The following RPGRIP1L variants were observed in gnomAD, a reference collection of about 807,000 sequenced individuals.
RPGRIP1L encodes the protein protein fantom.
In RPGRIP1L, 131 loss-of-function variants were observed where a neutral mutation model predicts 160.4. That is an observed-to-expected ratio of 0.82 (90% CI 0.71 to 0.94). The LOEUF is 0.94. Ranked by LOEUF, RPGRIP1L falls within the 40% of genes least tolerant of loss-of-function variation. The probability of loss-of-function intolerance (pLI) is 0.00; values close to 1 mark genes in which losing one functional copy is unlikely to be tolerated. For missense variants in RPGRIP1L, 1,522 were observed against 1,535.8 expected (o/e 0.99, Z 0.15); for synonymous variants, 510 against 515.8 (o/e 0.99, Z 0.15).
chr16:53,630,886 A>T (rs1965475292), intron 22 of RPGRIP1L, among the ~76,000 whole-genome samples: 1 of 152,018 alleles, frequency 6.6e-6, no homozygotes, highest in African/African-American at 2.4e-5. Flanking sequence ...GTGCCCGCCA[A>T]CACGCCCGGC....
At chr16:53,695,398 G>A (rs1278252279) in intron 3 of RPGRIP1L, 1 of 702,928 alleles carries the variant, frequency 1.4e-6, no homozygotes, top group Non-Finnish European at 2.6e-6. Flanking sequence ...CCTTAGGATG[G>A]ATTCTAAGCA....
At chr16:53,692,988 T>C (rs1252902319) in intron 3 of RPGRIP1L, among the ~76,000 whole-genome samples, 1 of 152,268 alleles carries the variant, frequency 6.6e-6, no homozygotes, top group Non-Finnish European at 1.5e-5. Context: ...TTTAATGCTA[T>C]CTTTAAATTT....
At chr16:53,673,364 T>C (rs557105590) in intron 7 of RPGRIP1L, among the ~76,000 whole-genome samples, 1 of 152,280 alleles carries the variant, frequency 6.6e-6, no homozygotes, top group East Asian at 1.9e-4. Context: ...GGACATGCTG[T>C]CTAAAAATGC....
At chr16:53,611,631 G>T (rs1040273351) in intron 24 of RPGRIP1L, among the ~76,000 whole-genome samples, 3 of 152,240 alleles carry the variant, frequency 2.0e-5, no homozygotes, top group Non-Finnish European at 4.4e-5. Flanking sequence ...AAAGGCACAT[G>T]CTGGCATCGA....
intron 22 of RPGRIP1L, among the ~76,000 whole-genome samples, chr16:53,626,165 A>G (rs888802993): frequency 6.6e-6 from 1 of 151,496 alleles, no homozygotes; most frequent in Non-Finnish European, 1.5e-5. Context: ...AAAAAAAAAA[A>G]AAAGAAAATG....
rs200384702 is a variant in RPGRIP1L at position 53,696,111 on chromosome 16, A to C, written c.230+40T>G. On this transcript the variant is annotated intron_variant, in intron 3 of 26. Transcript: ENST00000647211. Reference sequence around the variant, plus strand: ...TAAAATACCATACCCTCCAAATTTTACTGAGTCAAGAAAAAAAGCTAAAAG... The same window carrying C: ...TAAAATACCATACCCTCCAAATTTTCCTGAGTCAAGAAAAAAAGCTAAAAG... 45 of 1,601,700 alleles carry C rather than the reference A, an allele frequency of 2.8e-5. No individual in the cohort carries two copies. In the African/African-American group the frequency reaches 5.4e-4, roughly 19 times the overall value.
At chr16:53,683,400 C>T (rs569323311) in intron 6 of RPGRIP1L, among the ~76,000 whole-genome samples, 1 of 152,090 alleles carries the variant, frequency 6.6e-6, no homozygotes, top group South Asian at 2.1e-4. Flanking sequence ...GACATCTTCA[C>T]AGAAGTTTGA....
chr16:53,669,253 G>T (rs188367463), intron 9 of RPGRIP1L, among the ~76,000 whole-genome samples: 103 of 152,178 alleles, frequency 6.8e-4, no homozygotes, highest in Non-Finnish European at 1.3e-3. Flanking sequence ...TTATATTAGA[G>T]AATTCTGTAG....
At chr16:53,659,763 C>G (rs920259097) in intron 10 of RPGRIP1L, 4 of 151,952 alleles carry the variant, frequency 2.6e-5, no homozygotes, top group African/African-American at 9.7e-5. Flanking sequence ...GCTTGTAGTC[C>G]CATCTACTTG....
chr16:53,686,962 CAG>C (rs1970062514), intron 5 of RPGRIP1L, among the ~76,000 whole-genome samples: 1 of 152,094 alleles, frequency 6.6e-6, no homozygotes, highest in Non-Finnish European at 1.5e-5. Flanking sequence ...AGAGAGAGGG[CAG>C]GAAATTTGCC....
At position 53,598,908 on chromosome 16, in the gene RPGRIP1L, T is replaced by C. The variant is rs1004916393; in HGVS notation, c.*3168A>G. On this transcript the variant is annotated 3_prime_UTR_variant, in exon 27 of 27. Coordinates refer to ENST00000647211, the MANE Select transcript of RPGRIP1L (RefSeq NM_015272.5). ...CAAAGATGACATTTTATTCTCATAT[T>C]TGTTCACAGACATGATTCACATTTT... 1 of 152,266 alleles carries C rather than the reference T, an allele frequency of 6.6e-6. No homozygotes were observed. The highest frequency in any genetic ancestry group is 2.4e-5 in the African/African-American group (1 of 41,472). The allele number at this position is 152,266 out of a possible 1,614,324, so 9.4% of individuals were successfully genotyped here.
At chr16:53,654,914 TA>T (rs1266424687) in intron 14 of RPGRIP1L, among the ~76,000 whole-genome samples, 1 of 152,218 alleles carries the variant, frequency 6.6e-6, no homozygotes, top group Non-Finnish European at 1.5e-5. Flanking sequence ...CTTCGTCAGA[TA>T]AAGATATTTA....
chr16:53,632,199 C>T (rs1965563494), intron 22 of RPGRIP1L, among the ~76,000 whole-genome samples: 1 of 152,154 alleles, frequency 6.6e-6, no homozygotes, highest in Non-Finnish European at 1.5e-5. Flanking sequence ...GATTCTGTAA[C>T]ATGAAGAAAA....
At chr16:53,636,398 C>A in intron 22 of RPGRIP1L, 41 bp downstream of exon 22, 2 of 1,357,010 alleles carry the variant, frequency 1.5e-6, no homozygotes, top group Non-Finnish European at 2.1e-6. Flanking sequence ...TGAAAGGCAG[C>A]CTTATTTCAG....
At chr16:53,609,018 T>C (rs1389632512) in intron 25 of RPGRIP1L, among the ~76,000 whole-genome samples, 4 of 152,290 alleles carry the variant, frequency 2.6e-5, no homozygotes, top group East Asian at 1.9e-4. Context: ...AAAAATGACA[T>C]GAACATTTGT....
intron 26 of RPGRIP1L, among the ~76,000 whole-genome samples, chr16:53,604,866 G>T (rs1232919286): frequency 6.6e-6 from 1 of 152,054 alleles, no homozygotes; most frequent in Non-Finnish European, 1.5e-5. Flanking sequence ...CTGAAATGTG[G>T]CTTCCATAAA....
intron 10 of RPGRIP1L, among the ~76,000 whole-genome samples, chr16:53,663,727 T>C (rs185618128): frequency 9.1e-4 from 138 of 152,208 alleles, no homozygotes; most frequent in African/African-American, 3.2e-3. Context: ...AAAAAATCTA[T>C]CATCAAATGT....
rs765395179 is a variant in RPGRIP1L at position 53,641,280 on chromosome 16, C to T, written c.2874+5G>A. Reference sequence around the variant, plus strand: ...GTAAAAAAATTAAAAGTCACTGATACTCACTAAAACTAGTGTGCTAACAGA... The same window carrying T: ...GTAAAAAAATTAAAAGTCACTGATATTCACTAAAACTAGTGTGCTAACAGA... On this transcript the variant is annotated splice_donor_5th_base_variant and intron_variant, in intron 18 of 26. Coordinates refer to ENST00000647211, the MANE Select transcript of RPGRIP1L (RefSeq NM_015272.5). 1 of 1,613,124 alleles carries T rather than the reference C, an allele frequency of 6.2e-7. No homozygotes were observed. The highest frequency in any genetic ancestry group is 8.5e-7 in the Non-Finnish European group (1 of 1,179,384).
At chr16:53,603,674 ATGTGTGTGTGTGTGTGTG>A (rs3035223) in intron 26 of RPGRIP1L, among the ~76,000 whole-genome samples, 102 of 148,062 alleles carry the variant, frequency 6.9e-4, no homozygotes, top group African/African-American at 2.5e-3. Context: ...TTGAACTTTA[ATGTGTGTGTGTGTGTGTG>A]TGTGTGTGTG....
Sources: gnomAD v4.1 joint callset for allele counts (sites outside exome capture counted in the v4.1 genomes callset) on GRCh38, gnomAD v4.1.1 for gene constraint, MANE v1.5 for transcripts, NCBI Gene and HGNC (gene_info 2026-07-23, HGNC 2026-07-21) for gene names.